UCHL3: variants seen among roughly 807,000 people sequenced by gnomAD.
The protein encoded by UCHL3 is ubiquitin carboxyl-terminal hydrolase isozyme L3.
In UCHL3, 22 loss-of-function variants were observed where a neutral mutation model predicts 35.8. The observed-to-expected ratio is 0.61, with a 90% CI of 0.44 to 0.88. UCHL3 has a LOEUF of 0.88. Ranked by LOEUF, UCHL3 falls within the 40% of genes least tolerant of loss-of-function variation. The probability of loss-of-function intolerance (pLI) is 0.00; values close to 1 mark genes in which losing one functional copy is unlikely to be tolerated. For synonymous variants in UCHL3, 90 were observed against 92.8 expected (o/e 0.97, Z 0.17); for missense variants, 229 against 276.9 (o/e 0.83, Z 1.23).
intron 2 of UCHL3, among the ~76,000 whole-genome samples, chr13:75,551,418 A>C (rs1156849058): frequency 6.6e-6 from 1 of 150,872 alleles, no homozygotes; most frequent in African/African-American, 2.4e-5. Flanking sequence ...ATGACAGAGC[A>C]AGACTCTGTC....
rs1026438413 is a variant in UCHL3 at position 75,573,991 on chromosome 13, G to A, written c.474+4484G>A. On this transcript the variant is annotated intron_variant, in intron 6 of 8. Transcript: ENST00000377595. ...CCAGTACTTTGGGAGGCCGAGGCGG[G>A]CAGATCACAAGGTCAGGAGATCGAG... 2.0e-5 allele frequency among the ~76,000 whole-genome samples: 3 copies of A among 152,178 alleles called. No individual in the cohort carries two copies. In the South Asian group the frequency reaches 6.2e-4, roughly 32 times the overall value.
At chr13:75,571,115 T>G (rs1215429188) in intron 6 of UCHL3, among the ~76,000 whole-genome samples, 7 of 152,212 alleles carry the variant, frequency 4.6e-5, no homozygotes, top group Admixed American at 4.6e-4. Context: ...TGCTTTGATT[T>G]TTTGTTTGCA....
chr13:75,585,797 T>C (rs1269781016), intron 6 of UCHL3, among the ~76,000 whole-genome samples: 1 of 152,046 alleles, frequency 6.6e-6, no homozygotes, highest in Non-Finnish European at 1.5e-5. Context: ...ACATATGTAG[T>C]GGTGTAATAC....
intron 3 of UCHL3, among the ~76,000 whole-genome samples, chr13:75,564,063 T>C (rs1712431728): frequency 6.6e-6 from 1 of 152,168 alleles, no homozygotes. Context: ...TATACCATGT[T>C]TTTATCCATT....
At chr13:75,560,028 C>T (rs1357844720) in intron 2 of UCHL3, among the ~76,000 whole-genome samples, 1 of 152,124 alleles carries the variant, frequency 6.6e-6, no homozygotes, top group East Asian at 1.9e-4. Flanking sequence ...ATAAGAGAGG[C>T]AATGAAGTTA....
chr13:75,604,680 C>A, intron 7 of UCHL3, 89 bp from the exon 8 acceptor site: 1 of 1,028,350 alleles, frequency 9.7e-7, no homozygotes, highest in Non-Finnish European at 1.4e-6. Flanking sequence ...ACTTTTCTTG[C>A]CTCACTGGGG....
chr13:75,561,845 GTATACATACGTATACATA>G (rs1234684374), intron 3 of UCHL3, among the ~76,000 whole-genome samples: 16 of 42,548 alleles, frequency 3.8e-4, no homozygotes, highest in Non-Finnish European at 8.0e-4. Context: ...ATACGTATAC[GTATACATACGTATACATA>G]TATACATACG....
intron 5 of UCHL3, 25 bp from the exon 6 acceptor site, chr13:75,569,435 A>C (rs779613631): frequency 6.4e-7 from 1 of 1,570,008 alleles, no homozygotes; most frequent in Non-Finnish European, 8.6e-7. Flanking sequence ...ATTTTTTCCA[A>C]TGAATACCTT....
intron 6 of UCHL3, among the ~76,000 whole-genome samples, chr13:75,571,546 A>G (rs936595279): frequency 1.3e-5 from 2 of 152,198 alleles, no homozygotes; most frequent in African/African-American, 4.8e-5. Flanking sequence ...GGACAAATTC[A>G]TTAACTTCTG....
chr13:75,582,811 A>G (rs189195611), intron 6 of UCHL3, among the ~76,000 whole-genome samples: 3 of 152,310 alleles, frequency 2.0e-5, no homozygotes, highest in East Asian at 3.9e-4. Context: ...AAGTTGGTGT[A>G]TGTATCTTTA....
chr13:75,569,658 A>G, intron 6 of UCHL3, 151 bp downstream of exon 6: 1 of 680,666 alleles, frequency 1.5e-6, no homozygotes, highest in Non-Finnish European at 2.3e-6. Flanking sequence ...TTGCTTAAGC[A>G]AAAGCAGTCA....
intron 2 of UCHL3, among the ~76,000 whole-genome samples, chr13:75,551,183 A>C (rs2031092468): frequency 6.6e-6 from 1 of 152,108 alleles, no homozygotes; most frequent in East Asian, 1.9e-4. Flanking sequence ...TAATCCTAGC[A>C]CTGGCGCTCT....
chr13:75,566,765 A>G lies in UCHL3; in HGVS notation c.254A>G (p.Tyr85Cys). The G allele has an allele frequency of 1.2e-6, 2 of 1,612,046 alleles. No individual in the cohort carries two copies. The highest frequency in any genetic ancestry group is 1.7e-6 in the Non-Finnish European group (2 of 1,179,160). Reference protein sequence around the residue: ...SQGQDVTSSVYFMKQTISNAC... With the variant: ...SQGQDVTSSVCFMKQTISNAC... ...GGACAAGATGTTACATCATCAGTATATTTCATGAAGCAAACAATCAGCAAT... is the reference window on the plus strand; with the variant it reads ...GGACAAGATGTTACATCATCAGTATGTTTCATGAAGCAAACAATCAGCAAT... The change falls in exon 4 of 9, where the codon TAT (tyrosine) becomes TGT (cysteine). Residue 85 changes from tyrosine to cysteine, a missense_variant. Transcript: ENST00000377595.
chr13:75,578,207 C>A (rs1468709826), intron 6 of UCHL3, among the ~76,000 whole-genome samples: 3 of 151,436 alleles, frequency 2.0e-5, no homozygotes, highest in South Asian at 2.1e-4. Context: ...ATTAAAAAAA[C>A]CTTTGCTACT....
At chr13:75,561,161 G>A (rs1259559573) in intron 3 of UCHL3, among the ~76,000 whole-genome samples, 3 of 152,076 alleles carry the variant, frequency 2.0e-5, no homozygotes, top group Non-Finnish European at 4.4e-5. Context: ...TCTCCAACTC[G>A]GGCTCAAGTG....
intron 6 of UCHL3, among the ~76,000 whole-genome samples, chr13:75,576,291 G>A (rs527504353): frequency 5.9e-5 from 9 of 151,924 alleles, no homozygotes; most frequent in Admixed American, 3.9e-4. Context: ...GTGTAGTGGC[G>A]CAATCTCTGC....
At chr13:75,570,151 T>TAAAA (rs2031808357) in intron 6 of UCHL3, among the ~76,000 whole-genome samples, 3 of 152,242 alleles carry the variant, frequency 2.0e-5, no homozygotes, top group Admixed American at 2.0e-4. Flanking sequence ...CTAAAGCTGT[T>TAAAA]TGGTATGTTT....
intron 3 of UCHL3, among the ~76,000 whole-genome samples, chr13:75,565,283 C>A (rs904575003): frequency 6.6e-6 from 1 of 152,116 alleles, no homozygotes; most frequent in Non-Finnish European, 1.5e-5. Context: ...AGCATAAGAC[C>A]TTAACATACT....
At chr13:75,585,418 G>A (rs897406874) in intron 6 of UCHL3, among the ~76,000 whole-genome samples, 1 of 152,112 alleles carries the variant, frequency 6.6e-6, no homozygotes, top group Non-Finnish European at 1.5e-5. Context: ...AGAAAGCTGA[G>A]TTCAGTGGAA....
Sources: allele counts gnomAD v4.1 joint callset (sites outside exome capture counted in the v4.1 genomes callset), GRCh38; gene constraint gnomAD v4.1.1; transcripts MANE v1.5; gene names NCBI Gene and HGNC (gene_info 2026-07-23, HGNC 2026-07-21).